Variants in GNA12 observed in about 807,000 individuals in gnomAD.
The protein encoded by GNA12 is G protein subunit alpha 12.
GNA12 carries 9 observed loss-of-function variants against 26.0 expected under a neutral mutation model. The ratio of observed to expected loss-of-function variants is 0.35; its 90% CI spans 0.21 to 0.60. The LOEUF is 0.60. Among genes scored for constraint, GNA12 ranks in the 20% least tolerant of loss-of-function variants. GNA12 has a pLI of 0.78. For missense variants in GNA12, 405 were observed against 525.8 expected, an observed-to-expected ratio of 0.77 and a Z score of 2.25; for synonymous variants, 264 against 219.6, an observed-to-expected ratio of 1.20 and a Z score of -1.79.
At position 2,730,408 on chromosome 7, in the gene GNA12, C is replaced by G. The variant is rs1789827068; in HGVS notation, c.*773G>C. On this transcript the variant is annotated 3_prime_UTR_variant, in exon 4 of 4. Coordinates refer to ENST00000275364, the MANE Select transcript of GNA12 (RefSeq NM_007353.3). ...GGCAGTCACCGTGGGCATCCTGTCT[C>G]ACTCCGTGTTGTGCTGCTGGGCATG... is the stretch of plus-strand genomic sequence containing the variant. 6.6e-6 allele frequency: 1 copy of G among 152,532 alleles called. No individual in the cohort carries two copies. The highest frequency in any genetic ancestry group is 2.1e-4 in the South Asian group (1 of 4,830). 9.4% of individuals were successfully genotyped at this position (152,532 alleles called of 1,614,324 possible).
intron 1 of GNA12, among the ~76,000 whole-genome samples, chr7:2,843,481 CA>C (rs35484253): frequency 1.9e-4 from 29 of 151,182 alleles, no homozygotes; most frequent in Non-Finnish European, 2.7e-4. Context: ...CCCATCTCTA[CA>C]AAAAAAAACT....
At chr7:2,804,722 C>G (rs1792901249) in intron 1 of GNA12, among the ~76,000 whole-genome samples, 1 of 151,944 alleles carries the variant, frequency 6.6e-6, no homozygotes, top group South Asian at 2.1e-4. Flanking sequence ...ATGGTGAGGT[C>G]TGGGAATCAC....
intron 2 of GNA12, among the ~76,000 whole-genome samples, chr7:2,744,609 C>T (rs1351477607): frequency 6.6e-6 from 1 of 152,190 alleles, no homozygotes. Flanking sequence ...AAAATCAGAG[C>T]ACCTCTCCTC....
chr7:2,742,018 T>G (rs1001601505), intron 2 of GNA12, among the ~76,000 whole-genome samples: 1 of 151,784 alleles, frequency 6.6e-6, no homozygotes, highest in Non-Finnish European at 1.5e-5. Flanking sequence ...ACACTTGAAT[T>G]TTTTTATTTT....
At chr7:2,757,551 C>T (rs1227045932) in intron 2 of GNA12, among the ~76,000 whole-genome samples, 2 of 152,162 alleles carry the variant, frequency 1.3e-5, no homozygotes, top group African/African-American at 2.4e-5. Context: ...TAGATGGGAA[C>T]GCGGCCAGGT....
At position 2,786,841 on chromosome 7, in the gene GNA12, A is replaced by T. The variant is rs148534923; in HGVS notation, c.525+8087T>A. 2.9e-3 allele frequency among the ~76,000 whole-genome samples: 447 copies of T among 152,306 alleles called. 3 individuals are homozygous for T. Among genetic ancestry groups the T allele is most frequent in the Middle Eastern group, 0.01 (3 of 294 alleles). On this transcript the variant is annotated intron_variant, in intron 2 of 3. Transcript: ENST00000275364. ...TGGGCATCCCCAACCCACCATGCCC[A>T]TCTCGAGACCTGAAGGAACGATGGG...
chr7:2,790,649 TCTAATTAA>T (rs1190092637), intron 2 of GNA12, among the ~76,000 whole-genome samples: 1 of 152,142 alleles, frequency 6.6e-6, no homozygotes, highest in Admixed American at 6.5e-5. Flanking sequence ...ATCATACCAT[TCTAATTAA>T]CTAGATCCTA....
At chr7:2,834,847 T>G (rs1200896056) in intron 1 of GNA12, among the ~76,000 whole-genome samples, 1 of 152,212 alleles carries the variant, frequency 6.6e-6, no homozygotes, top group Non-Finnish European at 1.5e-5. Context: ...TACGGTCAGC[T>G]ATATTATCTA....
chr7:2,805,420 T>C (rs1183267333), intron 1 of GNA12, among the ~76,000 whole-genome samples: 2 of 152,204 alleles, frequency 1.3e-5, no homozygotes, highest in African/African-American at 2.4e-5. Flanking sequence ...TTTTTTTTTG[T>C]AGAGACAGGG....
intron 1 of GNA12, among the ~76,000 whole-genome samples, chr7:2,842,275 G>C (rs73033414): frequency 0.14 from 20,710 of 152,084 alleles, 1,572 homozygotes; most frequent in African/African-American, 0.19. Context: ...CAGGCTCACG[G>C]TACTGAGAGA....
chr7:2,789,597 C>A (rs1197819413), intron 2 of GNA12, among the ~76,000 whole-genome samples: 1 of 152,200 alleles, frequency 6.6e-6, no homozygotes, highest in African/African-American at 2.4e-5. Flanking sequence ...ACCTCTGAGA[C>A]CTGCCTGCAC....
chr7:2,818,818 C>T (rs1793281717), intron 1 of GNA12, among the ~76,000 whole-genome samples: 3 of 149,514 alleles, frequency 2.0e-5, no homozygotes, highest in Non-Finnish European at 4.5e-5. Context: ...CTCAAAGTGG[C>T]CTCTCCCACA....
rs1792626538 is a variant in GNA12 at position 2,795,139 on chromosome 7, G to A, written c.314C>T (p.Ser105Leu). Residue 105 changes from serine to leucine, a missense_variant, in exon 2 of 4, where the codon TCA becomes TTA. Coordinates refer to ENST00000275364, the MANE Select transcript of GNA12 (RefSeq NM_007353.3). ...ATCTCGTGCATCAACAAGAACCCTT[G>A]AGCCCTAGAAAATAAAAGAAAGAAG... is the stretch of plus-strand genomic sequence containing the variant. ...DTIFDNILKGSRVLVDARDKL... is the reference protein window; with the variant it reads ...DTIFDNILKGLRVLVDARDKL... 5.6e-6 allele frequency: 9 copies of A among 1,610,324 alleles called. No homozygotes were observed. The highest frequency in any genetic ancestry group is 7.6e-6 in the Non-Finnish European group (9 of 1,176,980).
chr7:2,842,099 AAAGG>A (rs869247044), intron 1 of GNA12, among the ~76,000 whole-genome samples: 16 of 104,166 alleles, frequency 1.5e-4, no homozygotes, highest in African/African-American at 4.7e-4. Context: ...GAAAGGAAGG[AAAGG>A]AAGGAAGGGA....
At chr7:2,779,517 A>AT (rs1792168673) in intron 2 of GNA12, among the ~76,000 whole-genome samples, 1 of 152,096 alleles carries the variant, frequency 6.6e-6, no homozygotes, top group East Asian at 1.9e-4. Flanking sequence ...AAAAAAAAAA[A>AT]TTCCTGTCAC....
At chr7:2,742,283 T>C (rs892209350) in intron 2 of GNA12, among the ~76,000 whole-genome samples, 1 of 152,154 alleles carries the variant, frequency 6.6e-6, no homozygotes, top group African/African-American at 2.4e-5. Flanking sequence ...CCCAAAGTGC[T>C]GGGATTACAG....
chr7:2,814,257 C>G, intron 1 of GNA12: 1 of 905,216 alleles, frequency 1.1e-6, no homozygotes. Flanking sequence ...TTTGGAGAAT[C>G]CTGACTGAGA....
chr7:2,747,770 A>C (rs1436754001), intron 2 of GNA12, among the ~76,000 whole-genome samples: 1 of 152,222 alleles, frequency 6.6e-6, no homozygotes, highest in Non-Finnish European at 1.5e-5. Flanking sequence ...ATTATCTAGA[A>C]AACCCCATCA....
chr7:2,816,384 C>A (rs1048795144), intron 1 of GNA12, among the ~76,000 whole-genome samples: 4 of 152,290 alleles, frequency 2.6e-5, no homozygotes, highest in East Asian at 3.9e-4. Context: ...GTGCCTGCCA[C>A]TATGCCCAGC....
Sources: allele counts gnomAD v4.1 joint callset (sites outside exome capture counted in the v4.1 genomes callset), GRCh38; gene constraint gnomAD v4.1.1; transcripts MANE v1.5; gene names NCBI Gene and HGNC (gene_info 2026-07-23, HGNC 2026-07-21).